HERC3: variants seen among roughly 807,000 people sequenced by gnomAD.
HERC3 encodes the protein probable E3 ubiquitin-protein ligase HERC3.
A neutral mutation model predicts 129.9 loss-of-function variants in HERC3; 58 were observed. That is an observed-to-expected ratio of 0.45 (90% CI 0.36 to 0.56). The LOEUF (loss-of-function observed/expected upper bound fraction) is 0.56. Among genes scored for constraint, HERC3 ranks in the 20% least tolerant of loss-of-function variants. The pLI, the probability that HERC3 is intolerant of heterozygous loss-of-function variation, is 0.00. For missense variants in HERC3, 835 were observed against 1,244.2 expected, an observed-to-expected ratio of 0.67 and a Z score of 4.95; for synonymous variants, 430 against 451.0, an observed-to-expected ratio of 0.95 and a Z score of 0.59.
chr4:88,576,718 A>G, the HERC3 span, among the ~76,000 whole-genome samples: 4 of 151,964 alleles, frequency 2.6e-5, no homozygotes, highest in Non-Finnish European at 5.9e-5. Flanking sequence ...CATTTCTTCA[A>G]ATTTATTTTA....
chr4:88,685,324 A>G (rs897166735), intron 21 of HERC3, among the ~76,000 whole-genome samples: 2 of 152,250 alleles, frequency 1.3e-5, no homozygotes, highest in East Asian at 1.9e-4. Flanking sequence ...ACTATTTACA[A>G]TAGCAAAGAC....
chr4:88,603,284 T>G (rs1723227743), intron 2 of HERC3, among the ~76,000 whole-genome samples: 1 of 150,674 alleles, frequency 6.6e-6, no homozygotes, highest in African/African-American at 2.4e-5. Flanking sequence ...CTTGGCTCAC[T>G]GCAACCTCTG....
chr4:88,577,494 C>T, the HERC3 span, among the ~76,000 whole-genome samples: 382 of 151,216 alleles, frequency 2.5e-3, 3 homozygotes, highest in African/African-American at 8.9e-3. Flanking sequence ...TATTATATTA[C>T]CTTCAACCAA....
chr4:88,541,803 C>T, the HERC3 span, among the ~76,000 whole-genome samples: 10 of 152,216 alleles, frequency 6.6e-5, no homozygotes, highest in African/African-American at 2.2e-4. Flanking sequence ...CACTTAAAAC[C>T]GCACAACTAC....
rs1055127491 is a variant in HERC3, at chr4:88,676,243, T to C, written c.1935+2T>C. ...AAGGCTAGACCATCAATAATACAGG[T>C]AAATGATCCTTTTTAAATTTGCTTT... On this transcript the variant is annotated splice_donor_variant, in intron 17 of 25. Coordinates refer to ENST00000402738, the MANE Select transcript of HERC3 (RefSeq NM_014606.3). LOFTEE classifies it high-confidence loss of function. The C allele has an allele frequency of 1.3e-6, 2 of 1,569,726 alleles. No individual in the cohort carries two copies. The highest frequency in any genetic ancestry group is 4.5e-5 in the East Asian group (2 of 44,546).
At chr4:88,622,974 C>T (rs1725703301) in intron 3 of HERC3, among the ~76,000 whole-genome samples, 1 of 152,012 alleles carries the variant, frequency 6.6e-6, no homozygotes, top group Non-Finnish European at 1.5e-5. Context: ...GAGTGCCTAT[C>T]TCATAGGGTT....
At chr4:88,670,301 A>G (rs1456788129) in intron 16 of HERC3, 49 bp downstream of exon 16, 13 of 1,233,088 alleles carry the variant, frequency 1.1e-5, no homozygotes, top group Non-Finnish European at 1.5e-5. Context: ...TTTATAAGAA[A>G]AGCACATGTG....
the HERC3 span, among the ~76,000 whole-genome samples, chr4:88,546,656 C>T: frequency 1.3e-4 from 20 of 152,224 alleles, no homozygotes; most frequent in African/African-American, 4.3e-4. Context: ...GGACTACAGG[C>T]GTGCGCCACC....
At position 88,676,380 on chromosome 4, in the gene HERC3, C is replaced by T. The variant is rs1407694801; in HGVS notation, c.1982C>T (p.Ala661Val). The T allele has an allele frequency of 6.2e-7, 1 of 1,612,818 alleles. No individual in the cohort carries two copies. The highest frequency in any genetic ancestry group is 1.7e-5 in the Admixed American group (1 of 60,020). Residue 661 changes from alanine (A) to valine (V), a missense_variant, in exon 18 of 26, where the codon GCC (alanine) becomes GTC (valine). By Grantham distance (64) the Ala-to-Val change is moderately conservative. Transcript: ENST00000402738. ...TACCCTTTCATCTTTGATGCCCAAGCCAAGACCAAAATGTTACAGACAGAT... is the reference window on the plus strand; with the variant it reads ...TACCCTTTCATCTTTGATGCCCAAGTCAAGACCAAAATGTTACAGACAGAT... ...CSYPFIFDAQ[A>V]KTKMLQTDAE...
chr4:88,529,203 C>A, the HERC3 span, among the ~76,000 whole-genome samples: 1 of 152,184 alleles, frequency 6.6e-6, no homozygotes, highest in South Asian at 2.1e-4. Flanking sequence ...TGGTTGAGTG[C>A]TGTGGCTTAC....
At position 88,707,287 on chromosome 4, in the gene HERC3, T is replaced by C; in HGVS notation, c.*327T>C. 3.5e-6 allele frequency: 1 copy of C among 288,124 alleles called. No individual in the cohort carries two copies. Among genetic ancestry groups the C allele is most frequent in the South Asian group, 4.1e-5 (1 of 24,362 alleles). The allele number at this position is 288,124 out of a possible 1,614,324, so 17.8% of individuals were successfully genotyped here. A position where few individuals can be genotyped will look rare whatever the true frequency, so the allele number is the denominator to read the frequency against. On this transcript the variant is annotated 3_prime_UTR_variant, in exon 26 of 26. Transcript: ENST00000402738. ...ATGGCAGTGGATTTTTAAACTTTAA[T>C]TTCCCAAATGTCTCTCTCAGCCCTG...
At chr4:88,569,198 T>C in the HERC3 span, among the ~76,000 whole-genome samples, 216 of 152,316 alleles carry the variant, frequency 1.4e-3, no homozygotes, top group African/African-American at 5.0e-3. Context: ...TCCCTCCATG[T>C]GTGCTGACTG....
rs191473257 is a variant in HERC3, at chr4:88,684,361, T to C, written c.2508-2375T>C. ...CGACAAACCTGACAAAAACAAGCAA[T>C]GAGGAAAGGATTCCCTATTTAATAA... On this transcript the variant is annotated intron_variant, in intron 21 of 25. Transcript: ENST00000402738. Among the ~76,000 whole-genome samples the C allele has an allele frequency of 1.7e-3, 262 of 152,240 alleles. 1 individual carries two copies. The highest frequency in any genetic ancestry group is 6.1e-3 in the African/African-American group (254 of 41,538).
intron 23 of HERC3, chr4:88,693,096 A>G (rs1734240834): frequency 2.0e-6 from 2 of 984,212 alleles, no homozygotes; most frequent in Non-Finnish European, 2.4e-6. Flanking sequence ...TGCCCTTAAT[A>G]GTGACTGCCA....
the HERC3 span, among the ~76,000 whole-genome samples, chr4:88,552,281 T>TA: frequency 0.02 from 2,893 of 143,118 alleles, 50 homozygotes; most frequent in East Asian, 0.061. Context: ...ACTTAAAGTA[T>TA]AAAAAAAAAA....
At chr4:88,528,061 A>G in the HERC3 span, 1 of 296,636 alleles carries the variant, frequency 3.4e-6, no homozygotes, top group Non-Finnish European at 6.8e-6. Context: ...TTTCCTGTAT[A>G]TCAGAATCAT....
chr4:88,654,829 A>C (rs1322546728), intron 7 of HERC3, among the ~76,000 whole-genome samples: 1 of 152,182 alleles, frequency 6.6e-6, no homozygotes, highest in East Asian at 1.9e-4. Flanking sequence ...AATTTCTTAC[A>C]TGTGAATGAT....
chr4:88,559,989 T>C, the HERC3 span, among the ~76,000 whole-genome samples: 1 of 150,676 alleles, frequency 6.6e-6, no homozygotes, highest in Admixed American at 6.6e-5. Context: ...AGATGGAGTC[T>C]TGCTCTGTCG....
the HERC3 span, among the ~76,000 whole-genome samples, chr4:88,532,391 C>T: frequency 5.6e-4 from 85 of 152,228 alleles, no homozygotes; most frequent in Admixed American, 1.7e-3. Context: ...GGCTCTAGAA[C>T]CCAGCACCAG....
Sources: allele counts gnomAD v4.1 joint callset (sites outside exome capture counted in the v4.1 genomes callset), GRCh38; gene constraint gnomAD v4.1.1; transcripts MANE v1.5; gene names NCBI Gene and HGNC (gene_info 2026-07-23, HGNC 2026-07-21).